Variants in DENND1A observed in about 807,000 individuals in gnomAD.
The protein encoded by DENND1A is DENN domain containing 1A, also known as DENN domain-containing protein 1A.
Under a neutral mutation model 113.7 loss-of-function variants are expected in DENND1A, and 51 were observed. That is an observed-to-expected ratio of 0.45 (90% CI 0.36 to 0.57). The LOEUF is 0.57. Ranked by LOEUF, DENND1A falls within the 20% of genes least tolerant of loss-of-function variation. The pLI, the probability that DENND1A is intolerant of heterozygous loss-of-function variation, is 0.00. For missense variants in DENND1A, 1,258 were observed against 1,395.9 expected (o/e 0.90, Z 1.57); for synonymous variants, 565 against 570.8 (o/e 0.99, Z 0.14).
chr9:123,566,425 C>T (rs78125425), intron 12 of DENND1A, among the ~76,000 whole-genome samples: 383 of 152,190 alleles, frequency 2.5e-3, no homozygotes, highest in African/African-American at 8.5e-3. Context: ...CCTACGAGCC[C>T]GGGTCTCTGC....
intron 19 of DENND1A, among the ~76,000 whole-genome samples, chr9:123,420,324 C>T (rs186221621): frequency 1.4e-4 from 21 of 152,266 alleles, no homozygotes; most frequent in African/African-American, 2.9e-4. Context: ...ATAGGTAGGA[C>T]GCAGAGAGGT....
At chr9:123,464,886 T>C (rs1278628544) in intron 13 of DENND1A, among the ~76,000 whole-genome samples, 2 of 150,512 alleles carry the variant, frequency 1.3e-5, no homozygotes, top group Non-Finnish European at 2.9e-5. Flanking sequence ...CAATGGCTCA[T>C]GCCTGTAATC....
At chr9:123,823,638 C>G (rs942329960) in intron 2 of DENND1A, among the ~76,000 whole-genome samples, 1 of 152,128 alleles carries the variant, frequency 6.6e-6, no homozygotes, top group Non-Finnish European at 1.5e-5. Flanking sequence ...TCTAGCTGTT[C>G]TGTGGAGAAT....
chr9:123,499,049 T>C (rs1031454539), intron 13 of DENND1A, among the ~76,000 whole-genome samples: 12 of 151,060 alleles, frequency 7.9e-5, no homozygotes, highest in Non-Finnish European at 1.8e-4. Flanking sequence ...TTCTTTTTTG[T>C]TTGAGACTGA....
At chr9:123,592,076 C>T (rs1466158559) in intron 11 of DENND1A, among the ~76,000 whole-genome samples, 2 of 152,008 alleles carry the variant, frequency 1.3e-5, no homozygotes, top group Admixed American at 1.3e-4. Flanking sequence ...AGCTGTGTTG[C>T]GAGGATTTAG....
chr9:123,570,299 G>A (rs769070758), intron 12 of DENND1A, among the ~76,000 whole-genome samples: 58 of 152,206 alleles, frequency 3.8e-4, no homozygotes, highest in Non-Finnish European at 7.1e-4. Flanking sequence ...AGTCTCCTGT[G>A]TATGGAAGCA....
chr9:123,842,600 GACCTATA>G (rs1371889934), intron 2 of DENND1A, among the ~76,000 whole-genome samples: 1 of 152,030 alleles, frequency 6.6e-6, no homozygotes, highest in Non-Finnish European at 1.5e-5. Context: ...AATCTGAATA[GACCTATA>G]GCAAGAGATT....
At chr9:123,923,036 A>G (rs1856536118) in intron 1 of DENND1A, among the ~76,000 whole-genome samples, 2 of 152,188 alleles carry the variant, frequency 1.3e-5, no homozygotes, top group Admixed American at 1.3e-4. Flanking sequence ...AGCCCCTTTA[A>G]GCAAAAAGGA....
At chr9:123,730,902 A>C (rs1054749358) in intron 5 of DENND1A, among the ~76,000 whole-genome samples, 1 of 152,162 alleles carries the variant, frequency 6.6e-6, no homozygotes, top group Non-Finnish European at 1.5e-5. Flanking sequence ...GTGGCACATA[A>C]ACACCATGGA....
rs777086065 is a variant in DENND1A at position 123,403,367 on chromosome 9, T to G, written c.1631+35A>C. On this transcript the variant is annotated intron_variant, in intron 21 of 23. Coordinates refer to ENST00000394215, the MANE Select transcript of DENND1A (RefSeq NM_001352964.2). ...AAGTGCTGGCTCCGCAGACACAGGG[T>G]TCTTACAGACAGAGGGGAGAGGCAC... 3 of 1,609,046 alleles carry G rather than the reference T, an allele frequency of 1.9e-6. No homozygotes were observed. The African/African-American group carries it at 4.0e-5, about 21-fold the overall frequency.
At chr9:123,656,738 C>T (rs536974044) in intron 8 of DENND1A, among the ~76,000 whole-genome samples, 1 of 152,302 alleles carries the variant, frequency 6.6e-6, no homozygotes, top group East Asian at 1.9e-4. Flanking sequence ...GCTGTAATGC[C>T]ACCATGGCTG....
At position 123,407,103 on chromosome 9, in the gene DENND1A, C is replaced by T. The variant is rs529994508; in HGVS notation, c.1543-3613G>A. On this transcript the variant is annotated intron_variant, in intron 20 of 23. Transcript: ENST00000394215. ...ACAAAAGGAATGGGTTGGCAATCAG[C>T]GGGATCGGTGGAGGAGACTGCTTCA... Among the ~76,000 whole-genome samples, 629 of 126,576 alleles carry T rather than the reference C, an allele frequency of 5.0e-3. 2 individuals carry two copies. Among genetic ancestry groups the T allele is most frequent in the Non-Finnish European group, 7.7e-3 (498 of 64,562 alleles). 83.0% of individuals were successfully genotyped at this position (126,576 alleles called of 152,430 possible).
intron 2 of DENND1A, among the ~76,000 whole-genome samples, chr9:123,796,648 G>C (rs980755263): frequency 6.6e-6 from 1 of 151,994 alleles, no homozygotes; most frequent in African/African-American, 2.4e-5. Context: ...AAAGTTCCTA[G>C]AAAACGTGGT....
chr9:123,505,750 A>C (rs2052872959), intron 13 of DENND1A, among the ~76,000 whole-genome samples: 1 of 152,176 alleles, frequency 6.6e-6, no homozygotes, highest in South Asian at 2.1e-4. Context: ...CCACTTTCCC[A>C]ATGATTTTTC....
intron 4 of DENND1A, among the ~76,000 whole-genome samples, chr9:123,761,779 T>G (rs1249710527): frequency 6.6e-6 from 1 of 152,170 alleles, no homozygotes; most frequent in African/African-American, 2.4e-5. Flanking sequence ...TTAAAAGGGT[T>G]CTGAATCTCC....
intron 10 of DENND1A, among the ~76,000 whole-genome samples, chr9:123,621,396 A>G (rs939022757): frequency 2.6e-5 from 4 of 152,104 alleles, no homozygotes; most frequent in Non-Finnish European, 5.9e-5. Context: ...TATGTTGCCC[A>G]GGCTGGTCTT....
chr9:123,714,563 C>A (rs1184673543), intron 5 of DENND1A, among the ~76,000 whole-genome samples: 1 of 152,124 alleles, frequency 6.6e-6, no homozygotes, highest in Non-Finnish European at 1.5e-5. Context: ...GAACATGCCA[C>A]TGCACTCCAG....
intron 1 of DENND1A, among the ~76,000 whole-genome samples, chr9:123,911,567 A>G (rs1853970155): frequency 1.3e-5 from 2 of 152,246 alleles, no homozygotes; most frequent in South Asian, 4.1e-4. Context: ...AACACAGATG[A>G]ATTCTACCAA....
chr9:123,461,744 AT>A (rs1320268675), intron 13 of DENND1A, among the ~76,000 whole-genome samples: 14 of 152,234 alleles, frequency 9.2e-5, no homozygotes, highest in African/African-American at 2.9e-4. Flanking sequence ...GGGAGGTGAT[AT>A]CCCCCGGACA....
Sources: gnomAD v4.1 joint callset for allele counts (sites outside exome capture counted in the v4.1 genomes callset) on GRCh38, gnomAD v4.1.1 for gene constraint, MANE v1.5 for transcripts, NCBI Gene and HGNC (gene_info 2026-07-23, HGNC 2026-07-21) for gene names.